AKAP10: variants seen among roughly 807,000 people sequenced by gnomAD.
AKAP10 encodes A-kinase anchoring protein 10.
In AKAP10, 24 loss-of-function variants were observed where a neutral mutation model predicts 80.8. That is an observed-to-expected ratio of 0.30 (90% CI 0.22 to 0.42). AKAP10 has a LOEUF of 0.42. Among genes scored for constraint, AKAP10 ranks in the 10% least tolerant of loss-of-function variants. AKAP10 has a pLI of 1.00. For synonymous variants in AKAP10, 291 were observed against 277.7 expected (o/e 1.05, Z -0.48); for missense variants, 661 against 794.9 (o/e 0.83, Z 2.03).
chr17:19,951,186 G>A (rs1170407064), intron 4 of AKAP10, among the ~76,000 whole-genome samples: 5 of 113,328 alleles, frequency 4.4e-5, no homozygotes, highest in Non-Finnish European at 1.1e-4. Flanking sequence ...AGGGAGGTGG[G>A]GGGTCAGCCC....
intron 12 of AKAP10, among the ~76,000 whole-genome samples, chr17:19,913,153 G>GT (rs71357404): frequency 0.19 from 20,250 of 108,908 alleles, 2,445 homozygotes; most frequent in Non-Finnish European, 0.25. Flanking sequence ...CTGGCTAATT[G>GT]TTTTTTTTTT....
intron 11 of AKAP10, among the ~76,000 whole-genome samples, chr17:19,920,992 T>A (rs1219633718): frequency 6.7e-6 from 1 of 148,976 alleles, no homozygotes; most frequent in Non-Finnish European, 1.5e-5. Context: ...AGTGTCATGC[T>A]GAAAAAATAT....
chr17:19,947,914 G>C (rs571487490), intron 4 of AKAP10, among the ~76,000 whole-genome samples: 1 of 149,476 alleles, frequency 6.7e-6, no homozygotes, highest in Non-Finnish European at 1.5e-5. Flanking sequence ...GTGGATGAAA[G>C]ATAAAATTAT....
At chr17:19,918,156 G>A (rs2152410597) in intron 12 of AKAP10, among the ~76,000 whole-genome samples, 1 of 150,156 alleles carries the variant, frequency 6.7e-6, no homozygotes, top group Non-Finnish European at 1.5e-5. Context: ...GGAGGCAGAG[G>A]TTGCAGTGAG....
intron 10 of AKAP10, among the ~76,000 whole-genome samples, chr17:19,924,927 G>A (rs1238940452): frequency 2.0e-5 from 3 of 152,106 alleles, no homozygotes; most frequent in Non-Finnish European, 2.9e-5. Context: ...ACTTTGGGAG[G>A]CTGAGGCAGG....
At chr17:19,974,014 C>G (rs554050004) in intron 1 of AKAP10, among the ~76,000 whole-genome samples, 1 of 152,086 alleles carries the variant, frequency 6.6e-6, no homozygotes, top group South Asian at 2.1e-4. Flanking sequence ...ACCAGCCTGA[C>G]CAACATGGTG....
intron 1 of AKAP10, among the ~76,000 whole-genome samples, chr17:19,972,768 T>A (rs1011441219): frequency 5.3e-5 from 8 of 152,216 alleles, no homozygotes; most frequent in Non-Finnish European, 1.5e-5. Context: ...GTTTTAAGTT[T>A]TAACGTAGTC....
At chr17:19,957,492 G>A (rs2043292299) in intron 4 of AKAP10, among the ~76,000 whole-genome samples, 2 of 151,510 alleles carry the variant, frequency 1.3e-5, no homozygotes, top group Non-Finnish European at 2.9e-5. Flanking sequence ...CCGAGACCGC[G>A]CCATTGCACT....
At chr17:19,931,715 A>C in intron 10 of AKAP10, 90 bp downstream of exon 10, 1 of 1,428,112 alleles carries the variant, frequency 7.0e-7, no homozygotes, top group Non-Finnish European at 9.4e-7. Flanking sequence ...CCACAACTTA[A>C]AATTTACAAA....
At chr17:19,908,742 C>T (rs2042658854) in intron 14 of AKAP10, among the ~76,000 whole-genome samples, 1 of 151,922 alleles carries the variant, frequency 6.6e-6, no homozygotes, top group Non-Finnish European at 1.5e-5. Context: ...CTGGTTCAAG[C>T]GATTCTCCTG....
chr17:19,913,667 A>C (rs2042715450), intron 12 of AKAP10, among the ~76,000 whole-genome samples: 3 of 152,238 alleles, frequency 2.0e-5, no homozygotes, highest in African/African-American at 7.2e-5. Context: ...GAAAGTGCTA[A>C]GAAATATCAA....
At chr17:19,968,201 C>CAAAAAA (rs34802640) in intron 2 of AKAP10, among the ~76,000 whole-genome samples, 1 of 68,906 alleles carries the variant, frequency 1.5e-5, no homozygotes, top group Non-Finnish European at 2.8e-5. Flanking sequence ...ACTCCGTCTC[C>CAAAAAA]AAAAAAAAAA....
intron 2 of AKAP10, among the ~76,000 whole-genome samples, chr17:19,965,498 T>C (rs1032743296): frequency 6.6e-6 from 1 of 152,252 alleles, no homozygotes; most frequent in Non-Finnish European, 1.5e-5. Flanking sequence ...TTCTGGTCTT[T>C]ACAGCCTTCT....
chr17:19,909,151 T>C (rs1274182141), intron 14 of AKAP10, 30 bp downstream of exon 14: 3 of 1,554,576 alleles, frequency 1.9e-6, no homozygotes, highest in Non-Finnish European at 2.6e-6. Context: ...ATAATACTTT[T>C]TAGTTTACAC....
At chr17:19,954,052 C>T (rs1471743682) in intron 4 of AKAP10, among the ~76,000 whole-genome samples, 5 of 152,060 alleles carry the variant, frequency 3.3e-5, no homozygotes, top group Admixed American at 6.6e-5. Flanking sequence ...AAACAAAACC[C>T]TAGGCCCAGA....
At chr17:19,953,249 C>G (rs1567770377) in intron 4 of AKAP10, among the ~76,000 whole-genome samples, 1 of 151,470 alleles carries the variant, frequency 6.6e-6, no homozygotes, top group African/African-American at 2.4e-5. Flanking sequence ...GGGGGTGTAA[C>G]TAAAGCAGTG....
At chr17:19,940,632 A>T (rs1475732761) in intron 7 of AKAP10, among the ~76,000 whole-genome samples, 2 of 152,230 alleles carry the variant, frequency 1.3e-5, no homozygotes, top group African/African-American at 4.8e-5. Context: ...CCAAATAATT[A>T]AAAACATGCA....
intron 1 of AKAP10, among the ~76,000 whole-genome samples, chr17:19,969,130 G>A (rs927746678): frequency 6.6e-6 from 1 of 152,148 alleles, no homozygotes; most frequent in Non-Finnish European, 1.5e-5. Context: ...GATCACCTGA[G>A]GTCAGTAGCT....
At chr17:19,970,951 G>C (rs548373407) in intron 1 of AKAP10, among the ~76,000 whole-genome samples, 1 of 151,954 alleles carries the variant, frequency 6.6e-6, no homozygotes, top group African/African-American at 2.4e-5. Flanking sequence ...GTCCAGGCTA[G>C]AGTGCAGTGG....
Sources: allele counts gnomAD v4.1 joint callset (sites outside exome capture counted in the v4.1 genomes callset), GRCh38; gene constraint gnomAD v4.1.1; transcripts MANE v1.5; gene names NCBI Gene and HGNC (gene_info 2026-07-23, HGNC 2026-07-21).